The following TDRD5 variants were observed in gnomAD, a reference collection of about 807,000 sequenced individuals.
The protein encoded by TDRD5 is tudor domain-containing protein 5.
TDRD5 carries 41 observed loss-of-function variants against 120.6 expected under a neutral mutation model. That is an observed-to-expected ratio of 0.34 (90% CI 0.26 to 0.44). The LOEUF is 0.44. TDRD5 is among the 20% of genes least tolerant of loss of function. TDRD5 has a pLI of 1.00. For missense variants in TDRD5, 1,006 were observed against 1,221.2 expected, an observed-to-expected ratio of 0.82 and a Z score of 2.63; for synonymous variants, 430 against 433.7, an observed-to-expected ratio of 0.99 and a Z score of 0.11.
intron 12 of TDRD5, 82 bp from the exon 13 acceptor site, chr1:179,651,956 AT>A: frequency 7.1e-7 from 1 of 1,403,592 alleles, no homozygotes. Flanking sequence ...CTTCCATAGC[AT>A]TTGAAAGTTA....
At chr1:179,651,500 G>GT (rs1678710314) in intron 12 of TDRD5, among the ~76,000 whole-genome samples, 5 of 151,980 alleles carry the variant, frequency 3.3e-5, no homozygotes, top group Non-Finnish European at 7.4e-5. Flanking sequence ...ATCTGAAACT[G>GT]TCCTAGAGAA....
At position 179,593,618 on chromosome 1, in the gene TDRD5, C is replaced by A; in HGVS notation, c.391C>A (p.Leu131Ile). 1 of 1,614,236 alleles carries A rather than the reference C, an allele frequency of 6.2e-7. No homozygotes were observed. Among genetic ancestry groups the A allele is most frequent in the East Asian group, 2.2e-5 (1 of 44,894 alleles). The change falls in exon 3 of 18, where the codon CTT (leucine) becomes ATT (isoleucine). Residue 131 changes from leucine to isoleucine, a missense_variant. Transcript: ENST00000444136. Reference sequence around the variant, plus strand: ...TTACCGAGGAAGGGTTGCCCCTATTCTTCCAGCTGTTGTGAAGAGTGAGTT... The same window carrying A: ...TTACCGAGGAAGGGTTGCCCCTATTATTCCAGCTGTTGTGAAGAGTGAGTT... ...VPYRGRVAPI[L>I]PAVVKSELKD...
intron 13 of TDRD5, among the ~76,000 whole-genome samples, chr1:179,653,064 G>C (rs894902874): frequency 6.6e-6 from 1 of 152,122 alleles, no homozygotes; most frequent in Non-Finnish European, 1.5e-5. Context: ...TTTTGGATAA[G>C]GGATACTCAA....
intron 17 of TDRD5, among the ~76,000 whole-genome samples, chr1:179,680,677 T>A (rs542346691): frequency 1.3e-5 from 2 of 152,332 alleles, no homozygotes; most frequent in South Asian, 4.1e-4. Context: ...TAAAATAGGT[T>A]TCTTGGCTAG....
At chr1:179,674,631 A>C (rs569290561) in intron 17 of TDRD5, among the ~76,000 whole-genome samples, 1 of 152,236 alleles carries the variant, frequency 6.6e-6, no homozygotes, top group African/African-American at 2.4e-5. Context: ...ATTCTTCTTT[A>C]AATGTGTGAT....
chr1:179,608,947 TTA>T (rs1489750631), intron 4 of TDRD5, among the ~76,000 whole-genome samples: 1 of 152,124 alleles, frequency 6.6e-6, no homozygotes, highest in Non-Finnish European at 1.5e-5. Flanking sequence ...CTCCCTATAT[TTA>T]TATATTTAAG....
Position 179,634,489 on chromosome 1 carries a change from T to C in TDRD5, c.1159T>C (p.Cys387Arg). Residue 387 changes from cysteine to arginine, a missense_variant, in exon 8 of 18, where the codon TGT becomes CGT. Around this residue, in one of 3 missense-constraint regions of TDRD5, gnomAD observed 445 missense variants for 515.5 expected, o/e 0.86. Coordinates refer to ENST00000444136, the MANE Select transcript of TDRD5 (RefSeq NM_001199085.3). ...AGATAAGAAAATAGAAGCCAAAGCT[T>C]GTGTCTCCAGTCCACCTAGAAATTC... ...QSDKKIEAKA[C>R]VSSPPRNSLS... The C allele has an allele frequency of 6.2e-7, 1 of 1,604,986 alleles. No individual in the cohort carries two copies. The highest frequency in any genetic ancestry group is 1.1e-5 in the South Asian group (1 of 88,744).
intron 5 of TDRD5, among the ~76,000 whole-genome samples, chr1:179,620,070 T>C (rs994737950): frequency 2.0e-5 from 3 of 152,234 alleles, no homozygotes; most frequent in Admixed American, 6.5e-5. Flanking sequence ...CCTTGACTTA[T>C]TGTTGTACTT....
rs754861298 is a variant in TDRD5 at position 179,592,672 on chromosome 1, C to T, written c.57C>T (p.Leu19=). The change falls in exon 2 of 18, where the codon CTC becomes CTT. Residue 19 remains leucine, a synonymous_variant. Transcript: ENST00000444136. ...TGCGGAAGGAAATAAGGTCACTTCT[C>T]ATTTCCACCAAAGATGGTTTGAGCC... ...ECLRKEIRSL[L]ISTKDGLSPQ... is the part of the protein sequence containing the mutation. 2.5e-6 allele frequency: 4 copies of T among 1,613,984 alleles called. No individual in the cohort carries two copies. The highest frequency in any genetic ancestry group is 2.7e-5 in the African/African-American group (2 of 74,882).
Position 179,649,177 on chromosome 1 carries a change from G to A in TDRD5, c.1801-1690G>A, listed in dbSNP as rs557765228. On this transcript the variant is annotated intron_variant, in intron 11 of 17. Coordinates refer to ENST00000444136, the MANE Select transcript of TDRD5 (RefSeq NM_001199085.3). ...TAGTCGCTCCTGTTCTTCAGTATTGGTGTGGTGTGTTTATGTGTGAATTTA... is the reference window on the plus strand; with the variant it reads ...TAGTCGCTCCTGTTCTTCAGTATTGATGTGGTGTGTTTATGTGTGAATTTA... Among the ~76,000 whole-genome samples, 9 of 152,108 alleles carry A rather than the reference G, an allele frequency of 5.9e-5. No individual in the cohort carries two copies. In the South Asian group the frequency reaches 6.2e-4, roughly 11 times the overall value.
At chr1:179,623,640 T>TTC (rs1287454624) in intron 6 of TDRD5, among the ~76,000 whole-genome samples, 2 of 144,120 alleles carry the variant, frequency 1.4e-5, no homozygotes, top group African/African-American at 2.6e-5. Flanking sequence ...TTTTTTTTTT[T>TTC]TTTTTTTCCT....
intron 6 of TDRD5, among the ~76,000 whole-genome samples, chr1:179,628,309 C>A (rs12123117): frequency 0.34 from 38,169 of 112,016 alleles, 5,549 homozygotes; most frequent in East Asian, 0.47. Flanking sequence ...TTATTTATTT[C>A]TTTTCTTTTC....
At chr1:179,627,362 T>C (rs1010827570) in intron 6 of TDRD5, among the ~76,000 whole-genome samples, 6 of 152,072 alleles carry the variant, frequency 3.9e-5, no homozygotes, top group Non-Finnish European at 1.5e-5. Context: ...GGGGAGAGAA[T>C]ATAGTGTTTC....
intron 17 of TDRD5, among the ~76,000 whole-genome samples, chr1:179,675,270 A>ATTATTATT (rs1558424080): frequency 9.8e-4 from 58 of 59,246 alleles, no homozygotes; most frequent in African/African-American, 3.2e-3. Flanking sequence ...TATTATTATT[A>ATTATTATT]TTATTTTTTT....
intron 4 of TDRD5, among the ~76,000 whole-genome samples, chr1:179,610,004 CTGAAAG>C (rs1342176963): frequency 2.0e-5 from 3 of 152,114 alleles, no homozygotes; most frequent in Admixed American, 1.3e-4. Context: ...ACACCATATC[CTGAAAG>C]CTCTCCAGAC....
chr1:179,660,347 G>A (rs780025921), intron 14 of TDRD5, among the ~76,000 whole-genome samples: 35 of 149,764 alleles, frequency 2.3e-4, no homozygotes, highest in Middle Eastern at 3.5e-3. Flanking sequence ...AGCCTCCCGA[G>A]TAGCTGGGAC....
intron 17 of TDRD5, among the ~76,000 whole-genome samples, chr1:179,679,220 G>C (rs1380954848): frequency 6.8e-6 from 1 of 147,072 alleles, no homozygotes; most frequent in Admixed American, 6.6e-5. Context: ...ATGCCCTCGT[G>C]GTCATGATAT....
rs796848814 is a variant in TDRD5, at chr1:179,612,491, C to A, written c.832-6108C>A. On this transcript the variant is annotated intron_variant, in intron 4 of 17. Transcript: ENST00000444136. ...TGAAGCCTCAGATGCTGTGTCCAGC[C>A]CAGGTCATCAGAATTTTCTGCATTG... Among the ~76,000 whole-genome samples the A allele has an allele frequency of 2.0e-5, 3 of 152,104 alleles. No homozygotes were observed. In the East Asian group the frequency reaches 5.8e-4, roughly 29 times the overall value.
intron 9 of TDRD5, among the ~76,000 whole-genome samples, chr1:179,638,480 G>T (rs928001276): frequency 7.8e-6 from 1 of 128,530 alleles, no homozygotes; most frequent in Non-Finnish European, 1.7e-5. Flanking sequence ...TTAGGATTAG[G>T]TTTAGCCACT....
Sources: allele counts gnomAD v4.1 joint callset (sites outside exome capture counted in the v4.1 genomes callset), GRCh38; gene constraint gnomAD v4.1.1; regional missense constraint gnomAD v4.1.1; transcripts MANE v1.5; gene names NCBI Gene and HGNC (gene_info 2026-07-23, HGNC 2026-07-21).